The following EPHA6 variants were observed in gnomAD, a reference collection of about 807,000 sequenced individuals.
EPHA6 encodes the protein ephrin type-A receptor 6.
Under a neutral mutation model 112.0 loss-of-function variants are expected in EPHA6, and 50 were observed. That is an observed-to-expected ratio of 0.45 (90% CI 0.36 to 0.56). The LOEUF (loss-of-function observed/expected upper bound fraction) is 0.56, where lower values mean the gene tolerates loss of function less well. Ranked by LOEUF, EPHA6 falls within the 20% of genes least tolerant of loss-of-function variation. EPHA6 has a pLI of 0.00. For synonymous variants in EPHA6, 529 were observed against 490.7 expected (o/e 1.08, Z -1.03); for missense variants, 1,280 against 1,417.4 (o/e 0.90, Z 1.56).
intron 11 of EPHA6, among the ~76,000 whole-genome samples, chr3:97,545,734 T>G (rs1427938834): frequency 6.6e-6 from 1 of 152,236 alleles, no homozygotes; most frequent in African/African-American, 2.4e-5. Context: ...ACTTGCTTTA[T>G]GAATCTGGGT....
chr3:97,177,998 G>T (rs754811748), intron 3 of EPHA6, among the ~76,000 whole-genome samples: 18 of 151,672 alleles, frequency 1.2e-4, no homozygotes, highest in Non-Finnish European at 2.1e-4. Flanking sequence ...TTGTGACTTG[G>T]TTTTCTGATT....
intron 3 of EPHA6, among the ~76,000 whole-genome samples, chr3:97,013,440 C>T (rs2044159552): frequency 6.6e-6 from 1 of 152,028 alleles, no homozygotes; most frequent in Non-Finnish European, 1.5e-5. Context: ...CTGCTTTTAG[C>T]AATCCTAGAT....
At chr3:97,451,775 G>A (rs1176513065) in intron 7 of EPHA6, among the ~76,000 whole-genome samples, 1 of 151,614 alleles carries the variant, frequency 6.6e-6, no homozygotes, top group Non-Finnish European at 1.5e-5. Context: ...GTACCCTCCT[G>A]GCTCTTCTTT....
At chr3:97,560,052 C>G (rs2093168069) in intron 11 of EPHA6, among the ~76,000 whole-genome samples, 1 of 151,254 alleles carries the variant, frequency 6.6e-6, no homozygotes, top group Non-Finnish European at 1.5e-5. Context: ...AGAAAAAAAT[C>G]CCAGCCAAAC....
At chr3:97,592,467 TA>T in intron 11 of EPHA6, 144 bp from the exon 12 acceptor site, 1 of 884,218 alleles carries the variant, frequency 1.1e-6, no homozygotes, top group Non-Finnish European at 1.7e-6. Context: ...ATTTATGGAG[TA>T]AAAAATGCAT....
chr3:97,197,670 A>T (rs1261326820), intron 3 of EPHA6, among the ~76,000 whole-genome samples: 2 of 151,644 alleles, frequency 1.3e-5, no homozygotes, highest in Admixed American at 1.3e-4. Context: ...TTTCTTGGCC[A>T]CTCTGACTTG....
chr3:97,384,277 TTA>T (rs2085925848), intron 5 of EPHA6, among the ~76,000 whole-genome samples: 1 of 152,204 alleles, frequency 6.6e-6, no homozygotes, highest in Non-Finnish European at 1.5e-5. Flanking sequence ...TTTCAAGTTC[TTA>T]GAAGAAGAAA....
intron 6 of EPHA6, among the ~76,000 whole-genome samples, chr3:97,414,810 G>A (rs72928205): frequency 0.15 from 22,637 of 151,938 alleles, 5,300 homozygotes; most frequent in African/African-American, 0.5. Context: ...AAAATCAATT[G>A]TAAACCACCA....
At chr3:97,107,300 A>T (rs1258355396) in intron 3 of EPHA6, among the ~76,000 whole-genome samples, 1 of 152,094 alleles carries the variant, frequency 6.6e-6, no homozygotes, top group Non-Finnish European at 1.5e-5. Flanking sequence ...TTGCATTTTC[A>T]TCGGCCTTCT....
At chr3:97,648,747 A>T (rs1185710050) in intron 14 of EPHA6, among the ~76,000 whole-genome samples, 2 of 152,122 alleles carry the variant, frequency 1.3e-5, no homozygotes, top group Non-Finnish European at 2.9e-5. Flanking sequence ...TTCAATTACA[A>T]TTATATAATA....
chr3:97,092,248 C>A (rs2047093508), intron 3 of EPHA6, among the ~76,000 whole-genome samples: 1 of 151,980 alleles, frequency 6.6e-6, no homozygotes, highest in Non-Finnish European at 1.5e-5. Flanking sequence ...TGTCTATACC[C>A]AGATCTTATT....
At chr3:97,513,520 G>T (rs2092399844) in intron 10 of EPHA6, among the ~76,000 whole-genome samples, 1 of 152,178 alleles carries the variant, frequency 6.6e-6, no homozygotes. Context: ...CCTGTCATTT[G>T]TGACAAGATT....
chr3:97,203,991 A>G (rs1388059909), intron 3 of EPHA6, among the ~76,000 whole-genome samples: 1 of 152,168 alleles, frequency 6.6e-6, no homozygotes, highest in Non-Finnish European at 1.5e-5. Flanking sequence ...AAAAATAATA[A>G]ATGAAAAAAA....
chr3:97,104,739 C>T (rs1296137071), intron 3 of EPHA6, among the ~76,000 whole-genome samples: 1 of 152,050 alleles, frequency 6.6e-6, no homozygotes, highest in East Asian at 1.9e-4. Flanking sequence ...CTTTGTACAT[C>T]AGGTAGAATC....
intron 5 of EPHA6, among the ~76,000 whole-genome samples, chr3:97,336,773 A>G (rs1378165787): frequency 6.6e-6 from 1 of 152,110 alleles, no homozygotes; most frequent in Non-Finnish European, 1.5e-5. Context: ...ATCTCTTACT[A>G]CATGAGCTAC....
At chr3:97,265,721 G>A (rs2079656930) in intron 5 of EPHA6, among the ~76,000 whole-genome samples, 1 of 152,216 alleles carries the variant, frequency 6.6e-6, no homozygotes, top group Non-Finnish European at 1.5e-5. Flanking sequence ...GTTCCCCACA[G>A]CCTGTGGTGG....
At chr3:97,464,518 C>T (rs558880676) in intron 7 of EPHA6, among the ~76,000 whole-genome samples, 6 of 152,052 alleles carry the variant, frequency 3.9e-5, no homozygotes, top group Admixed American at 6.5e-5. Flanking sequence ...AAAATAAAAC[C>T]TCTCCATGTT....
At chr3:97,395,361 T>C (rs1484185283) in intron 5 of EPHA6, among the ~76,000 whole-genome samples, 1 of 151,790 alleles carries the variant, frequency 6.6e-6, no homozygotes, top group Non-Finnish European at 1.5e-5. Context: ...TTAAGAAACA[T>C]TTCCAAAACA....
At chr3:97,417,272 T>C (rs1265087758) in intron 6 of EPHA6, among the ~76,000 whole-genome samples, 1 of 152,188 alleles carries the variant, frequency 6.6e-6, no homozygotes, top group Non-Finnish European at 1.5e-5. Flanking sequence ...TTCTAAGTCC[T>C]GTTGGGAATA....
Sources: gnomAD v4.1 joint callset for allele counts (sites outside exome capture counted in the v4.1 genomes callset) on GRCh38, gnomAD v4.1.1 for gene constraint, MANE v1.5 for transcripts, NCBI Gene and HGNC (gene_info 2026-07-23, HGNC 2026-07-21) for gene names.